The following KRT76 variants were observed in gnomAD, a reference collection of about 807,000 sequenced individuals.
KRT76 encodes keratin 76.
In KRT76, 47 loss-of-function variants were observed where a neutral mutation model predicts 44.9. The ratio of observed to expected loss-of-function variants is 1.05; its 90% CI spans 0.83 to 1.33. KRT76 has a LOEUF of 1.33. Ranked by LOEUF, KRT76 falls within the 40% of genes most tolerant of loss-of-function variation. The probability of loss-of-function intolerance (pLI) is 0.00; values close to 1 mark genes in which losing one functional copy is unlikely to be tolerated. For missense variants in KRT76, 860 were observed against 775.8 expected, an observed-to-expected ratio of 1.11 and a Z score of -1.29; for synonymous variants, 331 against 294.1, an observed-to-expected ratio of 1.13 and a Z score of -1.28.
At chr12:52,773,955 C>T (rs115817340) in intron 2 of KRT76, among the ~76,000 whole-genome samples, 101 of 152,136 alleles carry the variant, frequency 6.6e-4, no homozygotes, top group Middle Eastern at 6.8e-3. Flanking sequence ...CCTCAGACTC[C>T]CAAATAGCTG....
intron 2 of KRT76, 82 bp downstream of exon 2, chr12:52,775,306 G>T: frequency 4.1e-6 from 5 of 1,223,642 alleles, no homozygotes; most frequent in Non-Finnish European, 6.0e-6. Flanking sequence ...AGGCACAGTT[G>T]GGAACAGTTG....
intron 8 of KRT76, 79 bp from the exon 9 acceptor site, chr12:52,769,189 G>T: frequency 1.6e-6 from 1 of 624,152 alleles, no homozygotes; most frequent in South Asian, 1.9e-5. Flanking sequence ...TCCCCACCCT[G>T]CTTGGCCATG....
Position 52,768,540 on chromosome 12 carries a change from T to G in KRT76, c.*173A>C, listed in dbSNP as rs1939125369. 1 of 686,356 alleles carries G rather than the reference T, an allele frequency of 1.5e-6. No individual in the cohort carries two copies. Among genetic ancestry groups the G allele is most frequent in the African/African-American group, 1.8e-5 (1 of 56,492 alleles). The allele number at this position is 686,356 out of a possible 1,614,324, so 42.5% of individuals were successfully genotyped here. A position where few individuals can be genotyped will look rare whatever the true frequency, so the allele number is the denominator to read the frequency against. On this transcript the variant is annotated 3_prime_UTR_variant, in exon 9 of 9. Coordinates refer to ENST00000332411, the MANE Select transcript of KRT76 (RefSeq NM_015848.4). Reference sequence around the variant, plus strand: ...TCCCAGACCAGCAGCAGGACCTCCATGGCCCTGGGAAGGTCATGGGGATGG... The same window carrying G: ...TCCCAGACCAGCAGCAGGACCTCCAGGGCCCTGGGAAGGTCATGGGGATGG...
Position 52,768,582 on chromosome 12 carries a change from GCTT to G in KRT76, c.*128_*130del, listed in dbSNP as rs1015483679. 2 of 1,063,004 alleles carry G rather than the reference GCTT, an allele frequency of 1.9e-6. No homozygotes were observed. Among genetic ancestry groups the G allele is most frequent in the South Asian group, 1.6e-5 (1 of 62,266 alleles). 65.8% of individuals were successfully genotyped at this position (1,063,004 alleles called of 1,614,324 possible). On this transcript the variant is annotated 3_prime_UTR_variant, in exon 9 of 9. Coordinates refer to ENST00000332411, the MANE Select transcript of KRT76 (RefSeq NM_015848.4). ...TGGGGATGGAGAAACCAGGAGTTCAGCTTCTTCTCCAGGGAACTTGAGGAAAAA... is the reference window on the plus strand; with the variant it reads ...TGGGGATGGAGAAACCAGGAGTTCAGCTTCTCCAGGGAACTTGAGGAAAAA...
intron 1 of KRT76, among the ~76,000 whole-genome samples, chr12:52,775,830 A>T (rs1939253768): frequency 1.3e-5 from 2 of 152,152 alleles, no homozygotes; most frequent in African/African-American, 4.8e-5. Context: ...AATCCTCACA[A>T]CCACCTATAA....
chr12:52,768,423 G>A lies in KRT76; in HGVS notation c.*290C>T, dbSNP rs1409150749. On this transcript the variant is annotated 3_prime_UTR_variant, in exon 9 of 9. Coordinates refer to ENST00000332411, the MANE Select transcript of KRT76 (RefSeq NM_015848.4). ...AGGGAGATGGGCCAGAGTGGGAACA[G>A]GCCAGGCTGTGAAGGCCAAAACTGG... 1.1e-5 allele frequency: 4 copies of A among 368,748 alleles called. No homozygotes were observed. The highest frequency in any genetic ancestry group is 2.0e-5 in the Non-Finnish European group (4 of 201,096). 22.8% of individuals were successfully genotyped at this position (368,748 alleles called of 1,614,324 possible). A position where few individuals can be genotyped will look rare whatever the true frequency, so the allele number is the denominator to read the frequency against.
Position 52,775,479 on chromosome 12 carries a change from A to C in KRT76, c.724T>G (p.Cys242Gly). Residue 242 changes from cysteine to glycine, a missense_variant, in exon 2 of 9, where the codon TGC becomes GGC. Coordinates refer to ENST00000332411, the MANE Select transcript of KRT76 (RefSeq NM_015848.4). ...PCFESYISFL[C>G]KQLDSLLGER... ...CCTAGAAGTGAATCTAGCTGCTTGC[A>C]TAGGAAGCTGATGTAGGATTCAAAA... 6.2e-7 allele frequency: 1 copy of C among 1,614,140 alleles called. No homozygotes were observed. The highest frequency in any genetic ancestry group is 8.5e-7 in the Non-Finnish European group (1 of 1,179,996).
intron 2 of KRT76, among the ~76,000 whole-genome samples, chr12:52,774,562 G>T (rs567326329): frequency 6.6e-6 from 1 of 152,166 alleles, no homozygotes; most frequent in Admixed American, 6.5e-5. Context: ...TGAGGAATTG[G>T]ACTGATTCTA....
intron 2 of KRT76, 26 bp downstream of exon 2, chr12:52,775,362 G>C: frequency 6.2e-7 from 1 of 1,609,420 alleles, no homozygotes; most frequent in East Asian, 2.2e-5. Context: ...CCCCAGAAGG[G>C]GAAACTTCCC....
At position 52,777,334 on chromosome 12, in the gene KRT76, G is replaced by T; in HGVS notation, c.-43C>A. ...GCAAGCTAGTGATCACTTAGCAAGA[G>T]CTGAGAGGGATAGGGACAAGAGAGG... On this transcript the variant is annotated 5_prime_UTR_variant, in exon 1 of 9. Coordinates refer to ENST00000332411, the MANE Select transcript of KRT76 (RefSeq NM_015848.4). The T allele has an allele frequency of 6.2e-7, 1 of 1,610,750 alleles. No individual in the cohort carries two copies. The highest frequency in any genetic ancestry group is 8.5e-7 in the Non-Finnish European group (1 of 1,178,438).
rs529118785 is a variant in KRT76 at position 52,772,825 on chromosome 12, G to A, written c.930C>T (p.Ser310=). The change falls in exon 4 of 9, where the codon AGC becomes AGT. Residue 310 remains serine (S), a synonymous_variant. Transcript: ENST00000332411. ...NKVELQAKVD[S]LTDEVSFLRT... ...TCAGGAAGCTGACTTCATCTGTCAG[G>A]CTGTCCACTTTGGCCTGCAGCTCCA... The A allele has an allele frequency of 1.9e-6, 3 of 1,614,046 alleles. No homozygotes were observed. The highest frequency in any genetic ancestry group is 3.3e-5 in the Admixed American group (2 of 60,028).
At position 52,777,094 on chromosome 12, in the gene KRT76, G is replaced by A. The variant is rs1939274925; in HGVS notation, c.198C>T (p.Ser66=). Residue 66 remains serine (S), a synonymous_variant, in exon 1 of 9, where the codon AGC becomes AGT. Coordinates refer to ENST00000332411, the MANE Select transcript of KRT76 (RefSeq NM_015848.4). ...RSLYNLGSNK[S]ISISVAAGSS... ...TGCCAGCTGCCACGCTGATGGAGAT[G>A]CTCTTGTTGCTGCCCAGGTTGTAGA... 2.7e-5 allele frequency: 44 copies of A among 1,614,234 alleles called. No homozygotes were observed. The highest frequency in any genetic ancestry group is 3.6e-5 in the Non-Finnish European group (42 of 1,180,042).
chr12:52,770,911 C>T (rs1939168908), intron 7 of KRT76, 88 bp downstream of exon 7: 1 of 1,547,902 alleles, frequency 6.5e-7, no homozygotes, highest in Non-Finnish European at 8.9e-7. Flanking sequence ...TCTTAGTGTT[C>T]CTCTCCTTAT....
chr12:52,772,657 G>T, intron 4 of KRT76, 126 bp downstream of exon 4: 1 of 727,798 alleles, frequency 1.4e-6, no homozygotes, highest in Non-Finnish European at 2.5e-6. Flanking sequence ...TTCCCAGGTG[G>T]GGTGGAGCTG....
At position 52,771,094 on chromosome 12, in the gene KRT76, C is replaced by A; in HGVS notation, c.1389G>T (p.Arg463=). 1 of 1,614,136 alleles carries A rather than the reference C, an allele frequency of 6.2e-7. No homozygotes were observed. The highest frequency in any genetic ancestry group is 1.3e-5 in the African/African-American group (1 of 75,026). Residue 463 remains arginine, a synonymous_variant, in exon 7 of 9, where the codon CGG becomes CGT. Coordinates refer to ENST00000332411, the MANE Select transcript of KRT76 (RefSeq NM_015848.4). The part of the protein sequence containing the change: ...ALQKAKDDLA[R]LLRDYQELMN... ...TCAGCTCCTGGTAGTCACGCAGGAGCCGAGCCAGGTCATCCTTAGCCTTCT... is the reference window on the plus strand; with the variant it reads ...TCAGCTCCTGGTAGTCACGCAGGAGACGAGCCAGGTCATCCTTAGCCTTCT...
intron 8 of KRT76, 98 bp downstream of exon 8, chr12:52,769,451 G>A: frequency 1.9e-6 from 2 of 1,042,028 alleles, no homozygotes; most frequent in Middle Eastern, 2.2e-4. Flanking sequence ...GACTTCCTTG[G>A]ATGGAACAGG....
intron 7 of KRT76, among the ~76,000 whole-genome samples, chr12:52,770,399 T>C (rs896570230): frequency 6.6e-6 from 1 of 152,192 alleles, no homozygotes; most frequent in Non-Finnish European, 1.5e-5. Context: ...CTTTAGCATT[T>C]GATAAACACT....
chr12:52,771,179 C>A lies in KRT76; in HGVS notation c.1304G>T (p.Arg435Leu). ...LQTAIAEAEQ[R>L]GEMALKDANA... ...GGCGTCCTTGAGGGCCATCTCTCCA[C>A]GCTGCTCAGCCTCTGCAATTGCCGT... Residue 435 changes from arginine to leucine, a missense_variant, in exon 7 of 9, where the codon CGT becomes CTT. Coordinates refer to ENST00000332411, the MANE Select transcript of KRT76 (RefSeq NM_015848.4). The A allele has an allele frequency of 1.9e-6, 3 of 1,614,214 alleles. No homozygotes were observed. Among genetic ancestry groups the A allele is most frequent in the Non-Finnish European group, 2.5e-6 (3 of 1,180,036 alleles).
chr12:52,769,603 G>A lies in KRT76; in HGVS notation c.1485-20C>T. The A allele has an allele frequency of 6.2e-7, 1 of 1,611,316 alleles. No individual in the cohort carries two copies. The highest frequency in any genetic ancestry group is 8.5e-7 in the Non-Finnish European group (1 of 1,177,494). ...GACATCCTGAAAAGGAAGAGGAGAGGTGAATTCTTTCTGTTATGAGTCAAT... is the reference window on the plus strand; with the variant it reads ...GACATCCTGAAAAGGAAGAGGAGAGATGAATTCTTTCTGTTATGAGTCAAT... On this transcript the variant is annotated intron_variant, in intron 7 of 8. Transcript: ENST00000332411.
Sources: gnomAD v4.1 joint callset for allele counts (sites outside exome capture counted in the v4.1 genomes callset) on GRCh38, gnomAD v4.1.1 for gene constraint, MANE v1.5 for transcripts, NCBI Gene and HGNC (gene_info 2026-07-23, HGNC 2026-07-21) for gene names.